Variants in APOBEC3G observed in about 807,000 individuals in gnomAD.
The protein encoded by APOBEC3G is apolipoprotein B mRNA editing enzyme catalytic subunit 3G.
In APOBEC3G, 44 loss-of-function variants were observed where a neutral mutation model predicts 50.0. The ratio of observed to expected loss-of-function variants is 0.88; its 90% CI spans 0.69 to 1.13. The LOEUF (loss-of-function observed/expected upper bound fraction) is 1.13. Ranked by LOEUF, APOBEC3G falls within the 50% of genes most tolerant of loss-of-function variation. The pLI, the probability that APOBEC3G is intolerant of heterozygous loss-of-function variation, is 0.00. For synonymous variants in APOBEC3G, 156 were observed against 175.3 expected (o/e 0.89, Z 0.87); for missense variants, 469 against 492.0 (o/e 0.95, Z 0.44).
chr22:39,081,367 G>T, intron 3 of APOBEC3G, 104 bp from the exon 4 acceptor site: 9 of 1,528,526 alleles, frequency 5.9e-6, no homozygotes, highest in East Asian at 2.2e-5. Flanking sequence ...TGGGTCTGGC[G>T]CTGACTGTAA....
intron 5 of APOBEC3G, 57 bp downstream of exon 5, chr22:39,083,941 T>C: frequency 1.3e-6 from 2 of 1,584,366 alleles, no homozygotes; most frequent in South Asian, 2.3e-5. Context: ...GGGACACCCA[T>C]GGGCAGAAGG....
In APOBEC3G at chr22:39,080,160, T is replaced by C. The variant is rs190008310; in HGVS notation, c.172-773T>C. ...ATGTCACCCCCCCCGACATGGACAG[T>C]GCAGGTCCAGTGGGCTCCCCACTGA... On this transcript the variant is annotated intron_variant, in intron 2 of 7. Coordinates refer to ENST00000407997, the MANE Select transcript of APOBEC3G (RefSeq NM_021822.4). The C allele has an allele frequency of 8.8e-6, 5 of 566,338 alleles. No individual in the cohort carries two copies. In the African/African-American group the frequency reaches 1.0e-4, roughly 12 times the overall value. 35.1% of individuals were successfully genotyped at this position (566,338 alleles called of 1,614,324 possible). A position where few individuals can be genotyped will look rare whatever the true frequency, so the allele number is the denominator to read the frequency against.
At position 39,086,936 on chromosome 22, in the gene APOBEC3G, T is replaced by C. The variant is rs868587554; in HGVS notation, c.1025-75T>C. 4.4e-5 allele frequency: 67 copies of C among 1,520,596 alleles called. No homozygotes were observed. The Middle Eastern group carries it at 9.8e-4, about 22-fold the overall frequency. 94.2% of individuals were successfully genotyped at this position (1,520,596 alleles called of 1,614,324 possible). On this transcript the variant is annotated intron_variant, in intron 6 of 7. Coordinates refer to ENST00000407997, the MANE Select transcript of APOBEC3G (RefSeq NM_021822.4). The stretch of plus-strand genomic sequence containing the variant: ...GAAACCAGGATGTGGGAAGTCTGTC[T>C]TGAGAGTCATGGGCCTTTGGTGCCA...
intron 5 of APOBEC3G, among the ~76,000 whole-genome samples, chr22:39,084,811 T>C (rs1021985828): frequency 2.6e-5 from 4 of 152,216 alleles, no homozygotes; most frequent in African/African-American, 9.6e-5. Context: ...GAAGAAGAGC[T>C]GGGCCAGGCC....
upstream of APOBEC3G, chr22:39,077,262 G>A (rs1174076649): frequency 3.3e-5 from 51 of 1,550,128 alleles, no homozygotes; most frequent in Non-Finnish European, 4.3e-5. Context: ...GCCCTGGGAG[G>A]TCACTTTAGG....
rs376448900 is a variant in APOBEC3G at position 39,078,885 on chromosome 22, C to A, written c.18-47C>A. 5.0e-6 allele frequency: 8 copies of A among 1,609,540 alleles called. No homozygotes were observed. The African/African-American group carries it at 1.1e-4, about 22-fold the overall frequency. On this transcript the variant is annotated intron_variant, in intron 1 of 7. Coordinates refer to ENST00000407997, the MANE Select transcript of APOBEC3G (RefSeq NM_021822.4). ...TTAGTGGACATCAGCCCGGAGGGCC[C>A]CCAGGAGTGCTCTCTACATTGGCTG...
Position 39,081,042 on chromosome 22 carries a change from G to A in APOBEC3G, c.281G>A (p.Trp94Ter). The A allele has an allele frequency of 1.9e-6, 3 of 1,614,196 alleles. No homozygotes were observed. ...TATGAGGTCACCTGGTACATATCCT[G>A]GAGCCCCTGCACAAAGTGTACAAGG... ...QEYEVTWYISWSPCTKCTRDM... is the reference protein window; with the variant it reads ...QEYEVTWYIS Residue 94 changes from tryptophan (W) to a stop codon, truncating the protein, a stop_gained, in exon 3 of 8, where the codon TGG becomes TAG. Coordinates refer to ENST00000407997, the MANE Select transcript of APOBEC3G (RefSeq NM_021822.4). LOFTEE classifies it high-confidence loss of function.
chr22:39,079,322 C>CTT (rs904908925), intron 2 of APOBEC3G: 229 of 426,530 alleles, frequency 5.4e-4, no homozygotes, highest in South Asian at 8.2e-4. Flanking sequence ...TTTCTTTTTT[C>CTT]TTTTTTTTTT....
rs1353872809 is a variant in APOBEC3G at position 39,086,285 on chromosome 22, C to T, written c.742C>T (p.His248Tyr). The T allele has an allele frequency of 1.3e-6, 2 of 1,578,012 alleles. No homozygotes were observed. Among genetic ancestry groups the T allele is most frequent in the Non-Finnish European group, 1.7e-6 (2 of 1,161,874 alleles). ...RRGFLCNQAP[H>Y]KHGFLEGRHA... ...GGCTTGCTTTCTTTTCTAGGCTCCA[C>T]ATAAACACGGTTTCCTTGAAGGCCG... The change falls in exon 6 of 8, where the codon CAT becomes TAT. Residue 248 changes from histidine (H) to tyrosine (Y), a missense_variant. His to Tyr is a moderately conservative substitution (Grantham distance 83, BLOSUM62 2). Coordinates refer to ENST00000407997, the MANE Select transcript of APOBEC3G (RefSeq NM_021822.4).
In APOBEC3G at chr22:39,086,218, A is replaced by T; in HGVS notation, c.736-61A>T. The T allele has an allele frequency of 2.6e-6, 4 of 1,510,782 alleles. No individual in the cohort carries two copies. In the South Asian group the frequency reaches 5.4e-5, roughly 20 times the overall value. The allele number at this position is 1,510,782 out of a possible 1,614,324, so 93.6% of individuals were successfully genotyped here. A position where few individuals can be genotyped will look rare whatever the true frequency, so the allele number is the denominator to read the frequency against. ...ACTTGTACACTCCAGCCTGGGCAAC[A>T]AGAGTGAAACTCTGTCTCAAAAAAA... On this transcript the variant is annotated intron_variant, in intron 5 of 7. Transcript: ENST00000407997.
At chr22:39,083,929 C>G (rs1928588193) in intron 5 of APOBEC3G, 45 bp downstream of exon 5, 1 of 1,596,130 alleles carries the variant, frequency 6.3e-7, no homozygotes, top group Non-Finnish European at 8.5e-7. Flanking sequence ...CCTCCCAACC[C>G]AGGGACACCC....
intron 2 of APOBEC3G, 98 bp downstream of exon 2, chr22:39,079,183 C>G (rs574152147): frequency 7.0e-7 from 1 of 1,438,674 alleles, no homozygotes; most frequent in African/African-American, 1.4e-5. Flanking sequence ...GCGGGCTATC[C>G]AGTGTGTCCT....
Position 39,087,684 on chromosome 22 carries a change from C to T in APOBEC3G, c.*263C>T, listed in dbSNP as rs933775668. The T allele has an allele frequency of 1.4e-5, 8 of 581,224 alleles. No homozygotes were observed. Among genetic ancestry groups the T allele is most frequent in the South Asian group, 1.1e-4 (4 of 36,726 alleles). The allele number at this position is 581,224 out of a possible 1,614,324, so 36.0% of individuals were successfully genotyped here. ...AAAAGTTTCAAACCTACTAATCCAG[C>T]GACAATTTGAATCGGTTTTGTAGGT... On this transcript the variant is annotated 3_prime_UTR_variant, in exon 8 of 8. Transcript: ENST00000407997.
Position 39,087,398 on chromosome 22 carries a change from C to A in APOBEC3G, c.1141-9C>A, listed in dbSNP as rs1032146494. The A allele has an allele frequency of 1.1e-5, 17 of 1,614,108 alleles. No individual in the cohort carries two copies. The highest frequency in any genetic ancestry group is 1.4e-5 in the Non-Finnish European group (16 of 1,179,972). ...CCCTTTGCTCCATTCAACCTCCCTG[C>A]TCTTCCAGAATCAGGAAAACTGAAG... On this transcript the variant is annotated splice_polypyrimidine_tract_variant and intron_variant, in intron 7 of 7. Coordinates refer to ENST00000407997, the MANE Select transcript of APOBEC3G (RefSeq NM_021822.4).
chr22:39,087,720 A>G lies in APOBEC3G; in HGVS notation c.*299A>G. On this transcript the variant is annotated 3_prime_UTR_variant, in exon 8 of 8. Transcript: ENST00000407997. ...ATCGGTTTTGTAGGTAGAGGAATAA[A>G]ATGAAATACTAAATCTTTCTGTATA... 6.4e-6 allele frequency: 3 copies of G among 466,138 alleles called. No homozygotes were observed. The East Asian group carries it at 1.2e-4, about 18-fold the overall frequency. The allele number at this position is 466,138 out of a possible 1,614,324, so 28.9% of individuals were successfully genotyped here. A position where few individuals can be genotyped will look rare whatever the true frequency, so the allele number is the denominator to read the frequency against.
At chr22:39,083,515 G>T (rs28534684) in intron 4 of APOBEC3G, among the ~76,000 whole-genome samples, 14,702 of 152,256 alleles carry the variant, frequency 0.097, 2,421 homozygotes, top group African/African-American at 0.34. Context: ...CCCCAGGGCT[G>T]CCGTGATCTC....
At position 39,083,898 on chromosome 22, in the gene APOBEC3G, C is replaced by A. The variant is rs752409833; in HGVS notation, c.735+14C>A. The A allele has an allele frequency of 6.2e-7, 1 of 1,609,748 alleles. No individual in the cohort carries two copies. The highest frequency in any genetic ancestry group is 1.7e-5 in the Admixed American group (1 of 59,842). Reference sequence around the variant, plus strand: ...CTATGCAACCAGGTGACCAACCCAGCCACCCGCATCCAGGCAGGGCCCTCC... The same window carrying A: ...CTATGCAACCAGGTGACCAACCCAGACACCCGCATCCAGGCAGGGCCCTCC... On this transcript the variant is annotated intron_variant, in intron 5 of 7. Transcript: ENST00000407997.
At chr22:39,087,165 TC>T (rs766755018) in intron 7 of APOBEC3G, 39 bp downstream of exon 7, 7 of 1,611,976 alleles carry the variant, frequency 4.3e-6, no homozygotes, top group South Asian at 1.1e-5. Context: ...CCCATCGGCC[TC>T]CCCCTCCTCC....
intron 5 of APOBEC3G, among the ~76,000 whole-genome samples, chr22:39,085,183 A>G (rs1222663506): frequency 2.0e-5 from 3 of 152,162 alleles, no homozygotes; most frequent in Non-Finnish European, 4.4e-5. Context: ...TGGGCTCAAC[A>G]AGGACAATCA....
Sources: gnomAD v4.1 joint callset for allele counts (sites outside exome capture counted in the v4.1 genomes callset) on GRCh38, gnomAD v4.1.1 for gene constraint, MANE v1.5 for transcripts, NCBI Gene and HGNC (gene_info 2026-07-23, HGNC 2026-07-21) for gene names.